The following PTGR2 variants were observed in gnomAD, a reference collection of about 807,000 sequenced individuals.
PTGR2 encodes the protein prostaglandin reductase 2.
In PTGR2, 32 loss-of-function variants were observed where a neutral mutation model predicts 43.4. The ratio of observed to expected loss-of-function variants is 0.74; its 90% CI spans 0.56 to 0.99. The LOEUF is 0.99. PTGR2 is among the 50% of genes least tolerant of loss of function. The probability of loss-of-function intolerance (pLI) is 0.00; values close to 1 mark genes in which losing one functional copy is unlikely to be tolerated. For synonymous variants in PTGR2, 106 were observed against 139.2 expected, an observed-to-expected ratio of 0.76 and a Z score of 1.68; for missense variants, 373 against 420.0, an observed-to-expected ratio of 0.89 and a Z score of 0.98.
At chr14:73,880,354 C>CT in intron 7 of PTGR2, 178 bp downstream of exon 7, 1 of 631,830 alleles carries the variant, frequency 1.6e-6, no homozygotes, top group South Asian at 1.6e-5. Context: ...GGGTGGATTG[C>CT]TTGAGGCCAG....
At chr14:73,880,538 G>C (rs973901007) in intron 7 of PTGR2, among the ~76,000 whole-genome samples, 1 of 148,034 alleles carries the variant, frequency 6.8e-6, no homozygotes, top group African/African-American at 2.5e-5. Context: ...TCATGCCACT[G>C]CACTCCATCC....
chr14:73,875,820 C>CTTTTTTTTTTTTTTT (rs953891690), intron 4 of PTGR2, among the ~76,000 whole-genome samples: 1 of 94,376 alleles, frequency 1.1e-5, no homozygotes, highest in Non-Finnish European at 2.0e-5. Context: ...TTAAAAGTTT[C>CTTTTTTTTTTTTTTT]TTTTTTTTTT....
intron 3 of PTGR2, among the ~76,000 whole-genome samples, chr14:73,868,739 C>A (rs1349388366): frequency 6.6e-6 from 1 of 151,832 alleles, no homozygotes; most frequent in East Asian, 1.9e-4. Flanking sequence ...AGGTTACCTA[C>A]CCTGCCTTGC....
At chr14:73,875,444 C>T (rs2054837214) in intron 4 of PTGR2, among the ~76,000 whole-genome samples, 1 of 151,930 alleles carries the variant, frequency 6.6e-6, no homozygotes, top group South Asian at 2.1e-4. Context: ...CACCTGGGTT[C>T]AAGCGATTCT....
chr14:73,880,928 C>G (rs2054972565), intron 7 of PTGR2, among the ~76,000 whole-genome samples: 1 of 152,184 alleles, frequency 6.6e-6, no homozygotes, highest in Non-Finnish European at 1.5e-5. Flanking sequence ...TCCCGAGTAG[C>G]TGGGACTACA....
intron 3 of PTGR2, among the ~76,000 whole-genome samples, chr14:73,869,970 G>C (rs1467884182): frequency 6.6e-6 from 1 of 151,740 alleles, no homozygotes; most frequent in East Asian, 2.0e-4. Flanking sequence ...AGGTTGCATT[G>C]AGCTGAGATT....
At position 73,880,129 on chromosome 14, in the gene PTGR2, G is replaced by T. The variant is rs771107335; in HGVS notation, c.804G>T (p.Pro268=). 1.2e-6 allele frequency: 2 copies of T among 1,613,766 alleles called. No individual in the cohort carries two copies. Among genetic ancestry groups the T allele is most frequent in the Admixed American group, 1.7e-5 (1 of 59,980 alleles). Residue 268 remains proline (P), a synonymous_variant, in exon 7 of 10, where the codon CCG becomes CCT. Transcript: ENST00000555661. Reference sequence around the variant, plus strand: ...ACAAAGATGTGCCTTATCCTCCCCCGCTATCCCCTGCTATAGAGGCAATCC... The same window carrying T: ...ACAAAGATGTGCCTTATCCTCCCCCTCTATCCCCTGCTATAGAGGCAATCC... ...QYNKDVPYPP[P]LSPAIEAIQK...
chr14:73,872,813 C>G (rs185839250), intron 3 of PTGR2, among the ~76,000 whole-genome samples: 2 of 151,756 alleles, frequency 1.3e-5, no homozygotes, highest in East Asian at 3.9e-4. Context: ...TCCGTCTCTA[C>G]TAAAAATACA....
At chr14:73,877,237 C>T (rs553670349) in intron 5 of PTGR2, 69 bp downstream of exon 5, 106 of 1,349,972 alleles carry the variant, frequency 7.9e-5, no homozygotes, top group Non-Finnish European at 1.0e-4. Context: ...ATTGAAATTC[C>T]GGATATATGT....
intron 8 of PTGR2, among the ~76,000 whole-genome samples, chr14:73,881,654 T>A (rs886999385): frequency 1.3e-5 from 2 of 152,214 alleles, no homozygotes; most frequent in African/African-American, 2.4e-5. Context: ...CACCTCCTGA[T>A]GCTTATACCA....
chr14:73,856,512 A>T (rs2054351558), intron 1 of PTGR2, among the ~76,000 whole-genome samples: 1 of 152,168 alleles, frequency 6.6e-6, no homozygotes. Context: ...TGGCCTCCCA[A>T]AGTGCTGGGA....
chr14:73,872,848 G>A (rs1355260452), intron 3 of PTGR2, among the ~76,000 whole-genome samples: 2 of 151,822 alleles, frequency 1.3e-5, no homozygotes, highest in Non-Finnish European at 2.9e-5. Flanking sequence ...GTGGTGGTGC[G>A]TGCCTGTAGT....
intron 1 of PTGR2, among the ~76,000 whole-genome samples, chr14:73,856,408 C>T (rs548853373): frequency 2.3e-4 from 29 of 127,386 alleles, no homozygotes; most frequent in African/African-American, 7.1e-4. Flanking sequence ...ACCTGCCCAC[C>T]GGCTATTTTT....
In PTGR2 at chr14:73,871,528, G is replaced by C. The variant is rs868182229; in HGVS notation, c.157-2495G>C. The stretch of plus-strand genomic sequence containing the variant: ...CTAGCAAATTAAACCAAAGGAGAGG[G>C]TAGAGTGGGGACCCTGATTTATAGC... On this transcript the variant is annotated intron_variant, in intron 3 of 9. Transcript: ENST00000555661. Among the ~76,000 whole-genome samples, 4 of 152,094 alleles carry C rather than the reference G, an allele frequency of 2.6e-5. No homozygotes were observed. In the South Asian group the frequency reaches 8.3e-4, roughly 32 times the overall value.
rs1347304912 is a variant in PTGR2 at position 73,872,516 on chromosome 14, A to T, written c.157-1507A>T. Among the ~76,000 whole-genome samples the T allele has an allele frequency of 2.0e-5, 3 of 152,238 alleles. No homozygotes were observed. The East Asian group carries it at 5.8e-4, about 29-fold the overall frequency. On this transcript the variant is annotated intron_variant, in intron 3 of 9. Coordinates refer to ENST00000555661, the MANE Select transcript of PTGR2 (RefSeq NM_001146154.2). ...ATTTTTTGCTGGTATAACGTGTATA[A>T]TATTACTTCAGTTTCCTTAAGTAAT... is the stretch of plus-strand genomic sequence containing the variant.
At chr14:73,867,101 A>AAAC (rs752043705) in intron 3 of PTGR2, among the ~76,000 whole-genome samples, 3,769 of 141,124 alleles carry the variant, frequency 0.027, 114 homozygotes, top group African/African-American at 0.066. Flanking sequence ...AAAAAAAAAA[A>AAAC]AAAAAAACAA....
At chr14:73,858,950 C>G in intron 2 of PTGR2, 51 bp downstream of exon 2, 1 of 1,445,474 alleles carries the variant, frequency 6.9e-7, no homozygotes. Context: ...AGTATTAATG[C>G]AAATGGAGGA....
chr14:73,863,779 C>T (rs191761740), intron 3 of PTGR2, among the ~76,000 whole-genome samples: 1 of 152,054 alleles, frequency 6.6e-6, no homozygotes. Flanking sequence ...CCACACCCAG[C>T]TAATTTTTGT....
At chr14:73,880,537 T>A (rs1472113053) in intron 7 of PTGR2, among the ~76,000 whole-genome samples, 1 of 148,922 alleles carries the variant, frequency 6.7e-6, no homozygotes, top group Non-Finnish European at 1.5e-5. Context: ...ATCATGCCAC[T>A]GCACTCCATC....
Sources: gnomAD v4.1 joint callset for allele counts (sites outside exome capture counted in the v4.1 genomes callset) on GRCh38, gnomAD v4.1.1 for gene constraint, MANE v1.5 for transcripts, NCBI Gene and HGNC (gene_info 2026-07-23, HGNC 2026-07-21) for gene names.